Variants in AKR1B1 observed in about 807,000 individuals in gnomAD.
AKR1B1 encodes aldo-keto reductase family 1 member B.
A neutral mutation model predicts 40.4 loss-of-function variants in AKR1B1; 22 were observed. The ratio of observed to expected loss-of-function variants is 0.54; its 90% CI spans 0.39 to 0.78. The LOEUF (loss-of-function observed/expected upper bound fraction) is 0.78. Ranked by LOEUF, AKR1B1 falls within the 30% of genes least tolerant of loss-of-function variation. The pLI, the probability that AKR1B1 is intolerant of heterozygous loss-of-function variation, is 0.00. For missense variants in AKR1B1, 357 were observed against 396.7 expected, an observed-to-expected ratio of 0.90 and a Z score of 0.85; for synonymous variants, 157 against 149.9, an observed-to-expected ratio of 1.05 and a Z score of -0.35.
At chr7:134,449,173 C>A (rs2117453414) in intron 4 of AKR1B1, 54 bp from the exon 5 acceptor site, 4 of 1,609,560 alleles carry the variant, frequency 2.5e-6, no homozygotes, top group Non-Finnish European at 3.4e-6. Flanking sequence ...AGGACAGGAT[C>A]AGAAGTGTCG....
At chr7:134,455,858 C>T (rs1001077784) in intron 1 of AKR1B1, among the ~76,000 whole-genome samples, 1 of 152,202 alleles carries the variant, frequency 6.6e-6, no homozygotes. Context: ...GCTGGGATTA[C>T]AGGTGTAATT....
chr7:134,451,270 C>A, intron 2 of AKR1B1: 1 of 531,522 alleles, frequency 1.9e-6, no homozygotes, highest in Non-Finnish European at 3.4e-6. Context: ...GTGGCTAGCA[C>A]TGGAGATTCA....
chr7:134,449,547 A>G (rs1006142616), intron 4 of AKR1B1, 173 bp downstream of exon 4: 2 of 655,826 alleles, frequency 3.0e-6, no homozygotes, highest in Non-Finnish European at 5.4e-6. Flanking sequence ...AGATTGTGCC[A>G]CTGCACTCCA....
intron 9 of AKR1B1, among the ~76,000 whole-genome samples, chr7:134,443,549 G>A (rs1311265573): frequency 9.9e-5 from 15 of 152,012 alleles, no homozygotes; most frequent in Non-Finnish European, 1.9e-4. Context: ...AACGGTCGGC[G>A]ATTTTATATT....
At position 134,442,569 on chromosome 7, in the gene AKR1B1, T is replaced by G; in HGVS notation, c.*159A>C. 1.5e-6 allele frequency: 1 copy of G among 648,122 alleles called. No individual in the cohort carries two copies. Among genetic ancestry groups the G allele is most frequent in the East Asian group, 2.8e-5 (1 of 35,542 alleles). 40.1% of individuals were successfully genotyped at this position (648,122 alleles called of 1,614,324 possible). ...GAGACTTCTACTCTACTGACAGGGC[T>G]CTTGAGATCCAACATCAAGCTAGAC... is the stretch of plus-strand genomic sequence containing the variant. On this transcript the variant is annotated 3_prime_UTR_variant, in exon 10 of 10. Transcript: ENST00000285930.
rs545542801 is a variant in AKR1B1, at chr7:134,457,101, G to A, written c.66+1896C>T. 6.0e-4 allele frequency among the ~76,000 whole-genome samples: 91 copies of A among 151,108 alleles called. 1 individual carries two copies. The highest frequency in any genetic ancestry group is 1.1e-3 in the Non-Finnish European group (73 of 67,868). On this transcript the variant is annotated intron_variant, in intron 1 of 9. Coordinates refer to ENST00000285930, the MANE Select transcript of AKR1B1 (RefSeq NM_001628.4). ...TACAGTGAATCATGATCATGCCACT[G>A]CACTCCAGCCTGGGTGACACTGAGC... is the stretch of plus-strand genomic sequence containing the variant.
chr7:134,453,294 G>A (rs1806351021), intron 1 of AKR1B1, among the ~76,000 whole-genome samples: 1 of 152,162 alleles, frequency 6.6e-6, no homozygotes, highest in African/African-American at 2.4e-5. Context: ...CAACTGGTGC[G>A]GGGACAGGAA....
Position 134,451,829 on chromosome 7 carries a change from G to C in AKR1B1, c.67-76C>G, listed in dbSNP as rs371855808. The C allele has an allele frequency of 3.4e-5, 52 of 1,509,542 alleles. No individual in the cohort carries two copies. In the African/African-American group the frequency reaches 6.2e-4, roughly 18 times the overall value. The allele number at this position is 1,509,542 out of a possible 1,614,324, so 93.5% of individuals were successfully genotyped here. On this transcript the variant is annotated intron_variant, in intron 1 of 9. Coordinates refer to ENST00000285930, the MANE Select transcript of AKR1B1 (RefSeq NM_001628.4). ...AGGAGGAGGGGCAGTGGCAGCCACC[G>C]ATACCTGCTGACCAGCCTGCCACTT...
chr7:134,447,894 G>T, intron 7 of AKR1B1, 86 bp downstream of exon 7: 1 of 1,170,008 alleles, frequency 8.5e-7, no homozygotes, highest in Non-Finnish European at 1.3e-6. Context: ...GGTGTAACAG[G>T]CTCAGTCACT....
chr7:134,449,093 C>G lies in AKR1B1; in HGVS notation c.456G>C (p.Gly152=), dbSNP rs1184696678. ...TGGAGATGCCAATAGCTTTCACCAG[C>G]CCTTCATCCACCAGCTCTTCCATGG... ...WAAMEELVDE[G]LVKAIGISNF... Residue 152 remains glycine, a synonymous_variant, in exon 5 of 10, where the codon GGG becomes GGC. Transcript: ENST00000285930. 7 of 1,613,910 alleles carry G rather than the reference C, an allele frequency of 4.3e-6. No individual in the cohort carries two copies. The highest frequency in any genetic ancestry group is 1.1e-5 in the South Asian group (1 of 91,060).
intron 9 of AKR1B1, 33 bp from the exon 10 acceptor site, chr7:134,442,803 T>C (rs758914741): frequency 3.7e-5 from 59 of 1,608,134 alleles, no homozygotes; most frequent in Non-Finnish European, 4.7e-5. Context: ...AGTTGCTTTT[T>C]GAAGAGGTGA....
chr7:134,449,100 T>C lies in AKR1B1; in HGVS notation c.449A>G (p.Asp150Gly). 2 of 1,613,882 alleles carry C rather than the reference T, an allele frequency of 1.2e-6. No homozygotes were observed. Among genetic ancestry groups the C allele is most frequent in the African/African-American group, 2.7e-5 (2 of 75,024 alleles). Residue 150 changes from aspartate to glycine, a missense_variant, in exon 5 of 10, where the codon GAT becomes GGT. By Grantham distance (94) the Asp-to-Gly change is moderately conservative. Transcript: ENST00000285930. ...DTWAAMEELV[D>G]EGLVKAIGIS... ...GCCAATAGCTTTCACCAGCCCTTCA[T>C]CCACCAGCTCTTCCATGGCCTACAG...
intron 1 of AKR1B1, among the ~76,000 whole-genome samples, chr7:134,456,489 G>A (rs1305662687): frequency 2.6e-5 from 4 of 151,488 alleles, no homozygotes; most frequent in Admixed American, 1.3e-4. Flanking sequence ...GTGAGCCACC[G>A]CGCCCGGCCC....
rs188918681 is a variant in AKR1B1 at position 134,455,006 on chromosome 7, G to A, written c.67-3253C>T. On this transcript the variant is annotated intron_variant, in intron 1 of 9. Coordinates refer to ENST00000285930, the MANE Select transcript of AKR1B1 (RefSeq NM_001628.4). ...GAGATGGGGGCTTTAGAGACACCAGGGAAGTGAACAGTAAATCTGGCTCCT... is the reference window on the plus strand; with the variant it reads ...GAGATGGGGGCTTTAGAGACACCAGAGAAGTGAACAGTAAATCTGGCTCCT... Among the ~76,000 whole-genome samples, 625 of 152,294 alleles carry A rather than the reference G, an allele frequency of 4.1e-3. 2 individuals carry two copies. Among genetic ancestry groups the A allele is most frequent in the African/African-American group, 0.014 (600 of 41,560 alleles).
chr7:134,449,906 AG>A, intron 3 of AKR1B1, 109 bp from the exon 4 acceptor site: 1 of 897,146 alleles, frequency 1.1e-6, no homozygotes, highest in Non-Finnish European at 1.9e-6. Flanking sequence ...ACAGCTGGCT[AG>A]GGATAATCTG....
rs749268678 is a variant in AKR1B1 at position 134,451,613 on chromosome 7, C to G, written c.207G>C (p.Lys69Asn). 13 of 1,614,178 alleles carry G rather than the reference C, an allele frequency of 8.1e-6. No homozygotes were observed. Among genetic ancestry groups the G allele is most frequent in the African/African-American group, 1.3e-5 (1 of 75,054 alleles). Residue 69 changes from lysine (K) to asparagine (N), a missense_variant, in exon 2 of 10, where the codon AAG (lysine) becomes AAC (asparagine). Coordinates refer to ENST00000285930, the MANE Select transcript of AKR1B1 (RefSeq NM_001628.4). ...TGCTGACGATGAAGAGCTCCTCACG[C>G]TTCACCACCTGCTCCCTGAGCTTCT... ...IQEKLREQVVKREELFIVSKL... is the reference protein window; with the variant it reads ...IQEKLREQVVNREELFIVSKL...
chr7:134,459,057 T>G lies in AKR1B1; in HGVS notation c.6A>C (p.Ala2=), dbSNP rs17849987. The change falls in exon 1 of 10, where the codon GCA becomes GCC. Residue 2 remains alanine, a synonymous_variant. Transcript: ENST00000285930. M[A]SRLLLNNGAK... ...CGCCGTTGTTGAGCAGGAGACGGCT[T>G]GCCATGGCTGCTGCGCTCCCCAGAC... 6.2e-7 allele frequency: 1 copy of G among 1,603,634 alleles called. No homozygotes were observed. Among genetic ancestry groups the G allele is most frequent in the Non-Finnish European group, 8.5e-7 (1 of 1,176,040 alleles).
At chr7:134,457,200 C>T (rs2117467972) in intron 1 of AKR1B1, among the ~76,000 whole-genome samples, 1 of 151,758 alleles carries the variant, frequency 6.6e-6, no homozygotes, top group Middle Eastern at 3.4e-3. Flanking sequence ...AATGATGGGT[C>T]ACAAAACTAG....
At chr7:134,448,863 A>G (rs1806191518) in intron 5 of AKR1B1, 134 bp downstream of exon 5, 2 of 1,080,908 alleles carry the variant, frequency 1.9e-6, no homozygotes, top group African/African-American at 1.5e-5. Context: ...ATGCTGAATC[A>G]TAACTCAGGA....
Sources: allele counts gnomAD v4.1 joint callset (sites outside exome capture counted in the v4.1 genomes callset), GRCh38; gene constraint gnomAD v4.1.1; transcripts MANE v1.5; gene names NCBI Gene and HGNC (gene_info 2026-07-23, HGNC 2026-07-21).